Variants in SEMA6A observed in about 807,000 individuals in gnomAD.
SEMA6A encodes the protein semaphorin 6A.
In SEMA6A, 25 loss-of-function variants were observed where a neutral mutation model predicts 96.8. That is an observed-to-expected ratio of 0.26 (90% CI 0.19 to 0.36). The LOEUF (loss-of-function observed/expected upper bound fraction) is 0.36. Among genes scored for constraint, SEMA6A ranks in the 10% least tolerant of loss-of-function variants. The pLI, the probability that SEMA6A is intolerant of heterozygous loss-of-function variation, is 1.00. For synonymous variants in SEMA6A, 612 were observed against 518.0 expected (o/e 1.18, Z -2.46); for missense variants, 1,363 against 1,323.1 (o/e 1.03, Z -0.47).
At chr5:116,512,934 A>T (rs1399756967) in intron 1 of SEMA6A, among the ~76,000 whole-genome samples, 2 of 152,134 alleles carry the variant, frequency 1.3e-5, no homozygotes, top group African/African-American at 4.8e-5. Flanking sequence ...TGCCATCACC[A>T]TCTTTGTAAA....
At chr5:116,477,574 G>GAC (rs1468786502) in intron 15 of SEMA6A, among the ~76,000 whole-genome samples, 2 of 152,092 alleles carry the variant, frequency 1.3e-5, no homozygotes. Context: ...GCACCTTCTT[G>GAC]TCTCTCTCTC....
intron 1 of SEMA6A, among the ~76,000 whole-genome samples, 176 bp from the exon 2 acceptor site, chr5:116,505,158 C>A (rs1358929997): frequency 6.6e-6 from 1 of 152,164 alleles, no homozygotes; most frequent in Non-Finnish European, 1.5e-5. Context: ...CTGCTACCTC[C>A]TTCCCCACGC....
Position 116,444,954 on chromosome 5 carries a change from G to A in SEMA6A, c.*1659C>T, listed in dbSNP as rs1561455242. On this transcript the variant is annotated 3_prime_UTR_variant, in exon 19 of 19. Transcript: ENST00000343348. The stretch of plus-strand genomic sequence containing the variant: ...TCTGCTAGCAAATAAGGATATCACC[G>A]TATTGAAATAATCTAAGGGAAGCAG... 6.5e-6 allele frequency: 1 copy of A among 152,696 alleles called. No homozygotes were observed. Among genetic ancestry groups the A allele is most frequent in the South Asian group, 2.1e-4 (1 of 4,832 alleles). The allele number at this position is 152,696 out of a possible 1,614,324, so 9.5% of individuals were successfully genotyped here. A position where few individuals can be genotyped will look rare whatever the true frequency, so the allele number is the denominator to read the frequency against.
intron 11 of SEMA6A, among the ~76,000 whole-genome samples, chr5:116,480,504 TGGGGG>T (rs1447332215): frequency 1.3e-5 from 2 of 152,132 alleles, no homozygotes; most frequent in Non-Finnish European, 2.9e-5. Context: ...CAGCCTCAGC[TGGGGG>T]CAGGCTGGCT....
chr5:116,484,821 A>C (rs1756970958), intron 10 of SEMA6A, among the ~76,000 whole-genome samples: 1 of 152,182 alleles, frequency 6.6e-6, no homozygotes, highest in African/African-American at 2.4e-5. Context: ...ATGAATGAGC[A>C]AAGCATGGCA....
intron 12 of SEMA6A, among the ~76,000 whole-genome samples, chr5:116,479,211 C>T (rs1458290066): frequency 1.3e-5 from 2 of 152,144 alleles, no homozygotes; most frequent in Non-Finnish European, 2.9e-5. Context: ...AGGTAGGGTG[C>T]TAATGGCACT....
chr5:116,478,511 T>C (rs777631065), intron 13 of SEMA6A, 31 bp downstream of exon 13: 1 of 1,565,470 alleles, frequency 6.4e-7, no homozygotes. Context: ...TAACAAATAA[T>C]TACTAAGAAA....
At chr5:116,516,941 T>G (rs1303172056) in intron 1 of SEMA6A, among the ~76,000 whole-genome samples, 1 of 151,576 alleles carries the variant, frequency 6.6e-6, no homozygotes, top group Admixed American at 6.5e-5. Flanking sequence ...GTGTTCATTG[T>G]TTTTGAAGTC....
chr5:116,553,440 G>A (rs1760493981), intron 1 of SEMA6A, among the ~76,000 whole-genome samples: 1 of 152,154 alleles, frequency 6.6e-6, no homozygotes, highest in African/African-American at 2.4e-5. Flanking sequence ...TTGCAAAAGG[G>A]GGAGAGCAGA....
intron 10 of SEMA6A, among the ~76,000 whole-genome samples, chr5:116,483,393 C>A (rs1313647635): frequency 6.6e-6 from 1 of 152,012 alleles, no homozygotes; most frequent in African/African-American, 2.4e-5. Flanking sequence ...TTACAGGCAC[C>A]AGCTGGCCAA....
chr5:116,534,951 A>G (rs551794888), intron 1 of SEMA6A, among the ~76,000 whole-genome samples: 1 of 152,394 alleles, frequency 6.6e-6, no homozygotes, highest in African/African-American at 2.4e-5. Flanking sequence ...TAGGTTTTGT[A>G]GCATTTGAAA....
At chr5:116,505,923 T>C (rs1326322095) in intron 1 of SEMA6A, among the ~76,000 whole-genome samples, 2 of 152,120 alleles carry the variant, frequency 1.3e-5, no homozygotes, top group Non-Finnish European at 2.9e-5. Flanking sequence ...CACTTAATTC[T>C]CAGGCATATT....
chr5:116,474,278 G>GCACACACACACACACACACACACA (rs113731062), intron 16 of SEMA6A, among the ~76,000 whole-genome samples: 1 of 147,300 alleles, frequency 6.8e-6, no homozygotes, highest in Non-Finnish European at 1.5e-5. Context: ...GTGCACGCAT[G>GCACACACACACACACACACACACA]CACACACACA....
intron 6 of SEMA6A, 81 bp from the exon 7 acceptor site, chr5:116,491,911 G>A: frequency 8.7e-7 from 1 of 1,149,382 alleles, no homozygotes; most frequent in Non-Finnish European, 1.3e-6. Context: ...TCCAGGATGT[G>A]ACAGGCCTTT....
intron 16 of SEMA6A, among the ~76,000 whole-genome samples, chr5:116,474,137 A>C (rs948468975): frequency 2.0e-5 from 3 of 152,186 alleles, no homozygotes; most frequent in Admixed American, 2.0e-4. Flanking sequence ...AACCATCTTT[A>C]CATGTTTCAC....
At chr5:116,448,887 G>A (rs1184744275) in intron 18 of SEMA6A, among the ~76,000 whole-genome samples, 3 of 152,090 alleles carry the variant, frequency 2.0e-5, no homozygotes, top group Non-Finnish European at 2.9e-5. Flanking sequence ...TAGTGGGTTT[G>A]AGAAGTGTTA....
intron 18 of SEMA6A, among the ~76,000 whole-genome samples, chr5:116,454,801 T>C (rs1263378691): frequency 1.3e-5 from 2 of 150,536 alleles, no homozygotes; most frequent in African/African-American, 4.8e-5. Context: ...TGTGTGTGTG[T>C]GTGTGTGTGC....
chr5:116,510,761 G>T (rs957292395), intron 1 of SEMA6A, among the ~76,000 whole-genome samples: 2 of 151,890 alleles, frequency 1.3e-5, no homozygotes, highest in Non-Finnish European at 2.9e-5. Flanking sequence ...CTCTGGAGGT[G>T]GTCACTTGGA....
chr5:116,530,293 T>C (rs578140634), intron 1 of SEMA6A, among the ~76,000 whole-genome samples: 50 of 152,212 alleles, frequency 3.3e-4, no homozygotes, highest in Non-Finnish European at 2.9e-4. Flanking sequence ...CGGAGAGTAA[T>C]TGTGCAAATT....
Sources: gnomAD v4.1 joint callset for allele counts (sites outside exome capture counted in the v4.1 genomes callset) on GRCh38, gnomAD v4.1.1 for gene constraint, MANE v1.5 for transcripts, NCBI Gene and HGNC (gene_info 2026-07-23, HGNC 2026-07-21) for gene names.